The following SLCO1A2 variants were observed in gnomAD, a reference collection of about 807,000 sequenced individuals.
SLCO1A2 encodes solute carrier organic anion transporter family member 1A2.
Under a neutral mutation model 69.0 loss-of-function variants are expected in SLCO1A2, and 67 were observed. The ratio of observed to expected loss-of-function variants is 0.97; its 90% CI spans 0.80 to 1.19. The LOEUF (loss-of-function observed/expected upper bound fraction) is 1.19. Ranked by LOEUF, SLCO1A2 falls within the 50% of genes most tolerant of loss-of-function variation. The pLI is 0.00. For missense variants in SLCO1A2, 787 were observed against 793.7 expected (o/e 0.99, Z 0.10); for synonymous variants, 260 against 265.9 (o/e 0.98, Z 0.22).
upstream of SLCO1A2, among the ~76,000 whole-genome samples, chr12:21,338,126 A>G (rs1453586017): frequency 6.6e-6 from 1 of 152,048 alleles, no homozygotes; most frequent in Non-Finnish European, 1.5e-5. Flanking sequence ...GTCACACACC[A>G]TACCAAGTAA....
chr12:21,274,896 C>G (rs916312226), intron 13 of SLCO1A2: 1 of 1,052,680 alleles, frequency 9.5e-7, no homozygotes, highest in Admixed American at 4.9e-5. Context: ...TTGGGCAGAG[C>G]ATTTTCTTTC....
upstream of SLCO1A2, among the ~76,000 whole-genome samples, chr12:21,337,633 G>A (rs973953483): frequency 1.3e-5 from 2 of 151,804 alleles, no homozygotes; most frequent in Non-Finnish European, 2.9e-5. Context: ...CCTCTTGGGT[G>A]GTATCCAGCT....
chr12:21,411,891 G>T (rs1469044168), intron 1 of SLCO1A2, among the ~76,000 whole-genome samples: 1 of 151,858 alleles, frequency 6.6e-6, no homozygotes, highest in Non-Finnish European at 1.5e-5. Context: ...TTGCCATATT[G>T]CCTGAGCTCA....
chr12:21,275,642 T>C (rs903546566), intron 12 of SLCO1A2, among the ~76,000 whole-genome samples: 1 of 152,114 alleles, frequency 6.6e-6, no homozygotes, highest in Non-Finnish European at 1.5e-5. Context: ...CTTTTTCTTA[T>C]TAATACCTAT....
intron 2 of SLCO1A2, among the ~76,000 whole-genome samples, chr12:21,345,406 A>G (rs937864023): frequency 6.6e-6 from 1 of 152,058 alleles, no homozygotes. Flanking sequence ...AGAACCAGAG[A>G]AAGAGTGATG....
chr12:21,405,096 T>C lies in SLCO1A2; in HGVS notation c.-312+12786A>G, dbSNP rs188377644. Among the ~76,000 whole-genome samples the C allele has an allele frequency of 9.6e-5, 14 of 146,134 alleles. No homozygotes were observed. In the East Asian group the frequency reaches 2.6e-3, roughly 27 times the overall value. ...TTAATGGCTTTTTTTTTTTTGTAAA[T>C]TTAAGTTCCTTGTAGAGTCTGGATA... On this transcript the variant is annotated intron_variant, in intron 1 of 4. Transcript: ENST00000413682.
intron 2 of SLCO1A2, among the ~76,000 whole-genome samples, chr12:21,333,293 C>G (rs182171777): frequency 6.6e-6 from 1 of 152,036 alleles, no homozygotes; most frequent in African/African-American, 2.4e-5. Flanking sequence ...TGGTTTTATT[C>G]GCAGAGTGAA....
intron 2 of SLCO1A2, among the ~76,000 whole-genome samples, chr12:21,351,949 T>C (rs1325521638): frequency 6.6e-6 from 1 of 152,070 alleles, no homozygotes; most frequent in African/African-American, 2.4e-5. Flanking sequence ...CCAGTTTAGA[T>C]TGACTTTGAA....
chr12:21,319,543 T>A, intron 2 of SLCO1A2: 1 of 1,137,538 alleles, frequency 8.8e-7, no homozygotes, highest in Non-Finnish European at 1.2e-6. Context: ...GTCTAAGGCA[T>A]ATAAGCCCAG....
At chr12:21,411,454 T>C (rs567090565) in intron 1 of SLCO1A2, among the ~76,000 whole-genome samples, 3 of 152,330 alleles carry the variant, frequency 2.0e-5, no homozygotes, top group African/African-American at 7.2e-5. Flanking sequence ...CTCATTCTAT[T>C]ACACTGTGTC....
intron 4 of SLCO1A2, among the ~76,000 whole-genome samples, chr12:21,312,005 A>G (rs769248225): frequency 8.0e-5 from 12 of 149,734 alleles, no homozygotes; most frequent in Non-Finnish European, 1.2e-4. Flanking sequence ...GGAGGAGGAG[A>G]AGAAGAGGAG....
chr12:21,283,430 A>G (rs949378637), intron 12 of SLCO1A2, among the ~76,000 whole-genome samples: 6 of 152,174 alleles, frequency 3.9e-5, no homozygotes, highest in Non-Finnish European at 8.8e-5. Context: ...AAAATCGATG[A>G]AAGACTTAAA....
intron 2 of SLCO1A2, among the ~76,000 whole-genome samples, chr12:21,330,593 GA>G (rs558029681): frequency 1.3e-5 from 2 of 152,040 alleles, no homozygotes; most frequent in East Asian, 1.9e-4. Flanking sequence ...TCTCAAAAGA[GA>G]AAAAAACTGA....
intron 1 of SLCO1A2, among the ~76,000 whole-genome samples, chr12:21,416,245 T>C (rs572423225): frequency 6.6e-6 from 1 of 152,162 alleles, no homozygotes; most frequent in Non-Finnish European, 1.5e-5. Context: ...TTGGAAATAT[T>C]GGCTAATCTG....
intron 1 of SLCO1A2, chr12:21,378,102 C>T: frequency 1.3e-6 from 1 of 757,930 alleles, no homozygotes; most frequent in Non-Finnish European, 2.1e-6. Flanking sequence ...TAGGTGTTTG[C>T]AAACCAAAAC....
chr12:21,375,434 A>T (rs1263691103), intron 1 of SLCO1A2, among the ~76,000 whole-genome samples: 3 of 152,198 alleles, frequency 2.0e-5, no homozygotes, highest in Admixed American at 6.5e-5. Flanking sequence ...AACTCTTTTT[A>T]AAAAATAAAA....
intron 1 of SLCO1A2, among the ~76,000 whole-genome samples, chr12:21,416,158 C>A (rs1047091430): frequency 6.6e-6 from 1 of 151,738 alleles, no homozygotes; most frequent in African/African-American, 2.4e-5. Flanking sequence ...GTATCTGTAA[C>A]CTAATCTGTT....
intron 4 of SLCO1A2, among the ~76,000 whole-genome samples, chr12:21,312,014 AGGAGGG>A (rs991210664): frequency 6.7e-6 from 1 of 149,694 alleles, no homozygotes; most frequent in African/African-American, 2.5e-5. Context: ...GAAGAAGAGG[AGGAGGG>A]AGGAGGAGAA....
At chr12:21,271,079 T>A (rs905679641) in intron 14 of SLCO1A2, among the ~76,000 whole-genome samples, 3 of 151,758 alleles carry the variant, frequency 2.0e-5, no homozygotes, top group Admixed American at 6.6e-5. Flanking sequence ...TAATCCAGTA[T>A]AACCACATTT....
Sources: gnomAD v4.1 joint callset for allele counts (sites outside exome capture counted in the v4.1 genomes callset) on GRCh38, gnomAD v4.1.1 for gene constraint, MANE v1.5 for transcripts, NCBI Gene and HGNC (gene_info 2026-07-23, HGNC 2026-07-21) for gene names.